Variants in KIAA0513 observed in about 807,000 individuals in gnomAD.
KIAA0513 encodes uncharacterized protein KIAA0513.
Under a neutral mutation model 56.5 loss-of-function variants are expected in KIAA0513, and 39 were observed. The observed-to-expected ratio is 0.69, with a 90% confidence interval of 0.53 to 0.90. KIAA0513 has a LOEUF of 0.90. Among genes scored for constraint, KIAA0513 ranks in the 40% least tolerant of loss-of-function variants. The pLI is 0.00. For missense variants in KIAA0513, 591 were observed against 535.2 expected (o/e 1.10, Z -1.03); for synonymous variants, 268 against 215.6 (o/e 1.24, Z -2.13).
intron 2 of KIAA0513, among the ~76,000 whole-genome samples, chr16:85,070,679 C>A (rs60397597): frequency 0.081 from 12,232 of 151,824 alleles, 755 homozygotes; most frequent in East Asian, 0.24. Context: ...GACTCCGTCT[C>A]AAAAAAAATT....
chr16:85,038,305 C>T (rs150997852), intron 1 of KIAA0513, among the ~76,000 whole-genome samples: 2 of 152,348 alleles, frequency 1.3e-5, no homozygotes, highest in Non-Finnish European at 2.9e-5. Context: ...TGCTGCCAGC[C>T]GCCTTCCCTA....
At chr16:85,056,248 G>A (rs1463780568) in intron 1 of KIAA0513, among the ~76,000 whole-genome samples, 1 of 152,234 alleles carries the variant, frequency 6.6e-6, no homozygotes, top group Non-Finnish European at 1.5e-5. Context: ...GCCTTCCTAA[G>A]CCTCCCACCC....
At chr16:85,030,742 TA>T (rs56905897) in intron 1 of KIAA0513, among the ~76,000 whole-genome samples, 35,750 of 134,118 alleles carry the variant, frequency 0.27, 4,405 homozygotes, top group South Asian at 0.3. Flanking sequence ...AGACTCCATC[TA>T]AAAAAAAAAA....
intron 1 of KIAA0513, among the ~76,000 whole-genome samples, chr16:85,064,900 G>C (rs2073456472): frequency 6.6e-6 from 1 of 152,154 alleles, no homozygotes; most frequent in Non-Finnish European, 1.5e-5. Context: ...GCCCAGGCTG[G>C]TCTTGAACTC....
intron 1 of KIAA0513, among the ~76,000 whole-genome samples, chr16:85,059,897 A>G (rs796613017): frequency 5.9e-5 from 9 of 152,222 alleles, no homozygotes; most frequent in African/African-American, 1.7e-4. Context: ...TCTCCTTCAC[A>G]TTTTTCAAAG....
intron 1 of KIAA0513, among the ~76,000 whole-genome samples, chr16:85,041,971 C>G (rs967995380): frequency 6.6e-6 from 1 of 152,198 alleles, no homozygotes; most frequent in Non-Finnish European, 1.5e-5. Context: ...CCCTCCTTGT[C>G]TGTCTGCCAA....
At chr16:85,074,655 A>G (rs535361421) in intron 4 of KIAA0513, among the ~76,000 whole-genome samples, 144 of 152,330 alleles carry the variant, frequency 9.5e-4, no homozygotes, top group African/African-American at 3.3e-3. Flanking sequence ...TCTGGCCTTC[A>G]GAGCTGGCCA....
At chr16:85,056,613 G>A (rs1391234087) in intron 1 of KIAA0513, among the ~76,000 whole-genome samples, 1 of 152,140 alleles carries the variant, frequency 6.6e-6, no homozygotes, top group Non-Finnish European at 1.5e-5. Flanking sequence ...GTGTGCTCTT[G>A]CATTCCTCCG....
chr16:85,077,360 C>T (rs2073670798), intron 5 of KIAA0513, 65 bp from the exon 6 acceptor site: 6 of 1,497,592 alleles, frequency 4.0e-6, no homozygotes, highest in Non-Finnish European at 5.5e-6. Context: ...CCCTCTGGGC[C>T]TCTGCAGTTA....
intron 1 of KIAA0513, among the ~76,000 whole-genome samples, chr16:85,057,219 A>T (rs1017730388): frequency 6.6e-6 from 1 of 152,224 alleles, no homozygotes; most frequent in Non-Finnish European, 1.5e-5. Context: ...ACTTTCATGC[A>T]GCCGAGATGA....
intron 2 of KIAA0513, 128 bp from the exon 3 acceptor site, chr16:85,071,655 G>C: frequency 1.4e-6 from 1 of 711,972 alleles, no homozygotes; most frequent in South Asian, 1.9e-5. Flanking sequence ...ATGAGCTGAT[G>C]GGAGTTGGGG....
In KIAA0513 at chr16:85,093,997, C is replaced by G. The variant is rs2073897284; in HGVS notation, c.*5672C>G. ...CATCCAGACATTACCTTGTTGGTAG[C>G]CCCCAAGTGGCGTGCAGTGACACCA... On this transcript the variant is annotated 3_prime_UTR_variant, in exon 13 of 13. Transcript: ENST00000683363. The G allele has an allele frequency of 6.6e-6, 1 of 152,158 alleles. No homozygotes were observed. The highest frequency in any genetic ancestry group is 1.5e-5 in the Non-Finnish European group (1 of 68,024). The allele number at this position is 152,158 out of a possible 1,614,324, so 9.4% of individuals were successfully genotyped here. A position where few individuals can be genotyped will look rare whatever the true frequency, so the allele number is the denominator to read the frequency against.
intron 1 of KIAA0513, among the ~76,000 whole-genome samples, chr16:85,042,729 A>G (rs1408949847): frequency 6.6e-6 from 1 of 152,236 alleles, no homozygotes; most frequent in Non-Finnish European, 1.5e-5. Context: ...CATTGTGGAA[A>G]AGAATAGTCC....
intron 10 of KIAA0513, among the ~76,000 whole-genome samples, chr16:85,086,046 G>A (rs1004610643): frequency 3.3e-5 from 5 of 152,278 alleles, no homozygotes; most frequent in South Asian, 2.1e-4. Context: ...TGGAGAAACC[G>A]CAGCTGAGCA....
Position 85,038,909 on chromosome 16 carries a change from G to A in KIAA0513, c.-173+11051G>A, listed in dbSNP as rs189103937. On this transcript the variant is annotated intron_variant, in intron 1 of 12. Coordinates refer to ENST00000683363, the MANE Select transcript of KIAA0513 (RefSeq NM_001388359.1). ...GAACGAGCCACATTCATGGGCTCAA[G>A]GGCCGCATGTGGCCAGCGGCTACCA... is the stretch of plus-strand genomic sequence containing the variant. Among the ~76,000 whole-genome samples, 360 of 152,326 alleles carry A rather than the reference G, an allele frequency of 2.4e-3. 2 individuals are homozygous for A. Among genetic ancestry groups the A allele is most frequent in the Non-Finnish European group, 1.7e-3 (115 of 68,024 alleles).
At chr16:85,035,221 G>T (rs947193405) in intron 1 of KIAA0513, among the ~76,000 whole-genome samples, 6 of 152,180 alleles carry the variant, frequency 3.9e-5, no homozygotes, top group Non-Finnish European at 5.9e-5. Context: ...TTCGCTGCCT[G>T]TTCCTCTCTG....
chr16:85,052,629 A>G (rs2073270488), intron 1 of KIAA0513, among the ~76,000 whole-genome samples: 1 of 152,202 alleles, frequency 6.6e-6, no homozygotes, highest in Non-Finnish European at 1.5e-5. Flanking sequence ...TAACCACAGT[A>G]CTGCTGTGGA....
At chr16:85,046,209 G>A (rs1489103328) in intron 1 of KIAA0513, among the ~76,000 whole-genome samples, 1 of 152,208 alleles carries the variant, frequency 6.6e-6, no homozygotes, top group African/African-American at 2.4e-5. Flanking sequence ...CACGCGCCAT[G>A]CCTTTCTGGG....
rs143392313 is a variant in KIAA0513, at chr16:85,064,825, C to T, written c.-172-2075C>T. 4.4e-4 allele frequency among the ~76,000 whole-genome samples: 67 copies of T among 152,208 alleles called. No individual in the cohort carries two copies. In the East Asian group the frequency reaches 0.012, roughly 27 times the overall value. On this transcript the variant is annotated intron_variant, in intron 1 of 12. Transcript: ENST00000683363. ...CTCAGCCTCCTGAGTAGCTGGATTA[C>T]AGGCAAGCCCCACCATGCCTGGCTA...
Sources: gnomAD v4.1 joint callset for allele counts (sites outside exome capture counted in the v4.1 genomes callset) on GRCh38, gnomAD v4.1.1 for gene constraint, MANE v1.5 for transcripts, NCBI Gene and HGNC (gene_info 2026-07-23, HGNC 2026-07-21) for gene names.